The following ZMAT4 variants were observed in gnomAD, a reference collection of about 807,000 sequenced individuals.
ZMAT4 encodes zinc finger matrin-type 4, also known as zinc finger matrin-type protein 4.
ZMAT4 carries 17 observed loss-of-function variants against 28.7 expected under a neutral mutation model. The ratio of observed to expected loss-of-function variants is 0.59; its 90% CI spans 0.41 to 0.89. The LOEUF (loss-of-function observed/expected upper bound fraction) is 0.89. Ranked by LOEUF, ZMAT4 falls within the 40% of genes least tolerant of loss-of-function variation. The pLI is 0.00. For missense variants in ZMAT4, 240 were observed against 283.8 expected, an observed-to-expected ratio of 0.85 and a Z score of 1.11; for synonymous variants, 117 against 109.2, an observed-to-expected ratio of 1.07 and a Z score of -0.44.
At chr8:40,800,221 T>C (rs978888349) in intron 2 of ZMAT4, among the ~76,000 whole-genome samples, 18 of 152,194 alleles carry the variant, frequency 1.2e-4, no homozygotes, top group Non-Finnish European at 2.4e-4. Flanking sequence ...ATAGACCTAA[T>C]AACAAGGCGT....
intron 5 of ZMAT4, among the ~76,000 whole-genome samples, chr8:40,637,215 G>A (rs1309787834): frequency 1.3e-5 from 2 of 151,924 alleles, no homozygotes; most frequent in African/African-American, 4.8e-5. Context: ...GTGGTCCGAG[G>A]GAATGCCACA....
intron 5 of ZMAT4, among the ~76,000 whole-genome samples, chr8:40,587,306 C>T (rs2087331453): frequency 6.6e-6 from 1 of 152,006 alleles, no homozygotes; most frequent in Non-Finnish European, 1.5e-5. Flanking sequence ...GAAATGCAAC[C>T]AGACTCAGAC....
chr8:40,877,580 C>T (rs1471382263), intron 1 of ZMAT4, among the ~76,000 whole-genome samples: 1 of 152,116 alleles, frequency 6.6e-6, no homozygotes, highest in Non-Finnish European at 1.5e-5. Context: ...TTTTTAACTC[C>T]TTTTTTATTT....
At chr8:40,844,805 G>A (rs1816825176) in intron 1 of ZMAT4, among the ~76,000 whole-genome samples, 1 of 152,034 alleles carries the variant, frequency 6.6e-6, no homozygotes, top group Non-Finnish European at 1.5e-5. Context: ...ACCTGGGGTA[G>A]TAAAAGTGTC....
intron 1 of ZMAT4, among the ~76,000 whole-genome samples, chr8:40,883,397 C>T (rs915570452): frequency 3.3e-5 from 5 of 152,206 alleles, no homozygotes; most frequent in African/African-American, 1.2e-4. Context: ...TTTCCCTCTT[C>T]CCGGACTACC....
intron 5 of ZMAT4, among the ~76,000 whole-genome samples, chr8:40,667,949 C>A (rs1263718473): frequency 6.6e-6 from 1 of 151,868 alleles, no homozygotes; most frequent in Non-Finnish European, 1.5e-5. Flanking sequence ...TACTTTTGCC[C>A]TCATATTGAA....
chr8:40,734,482 G>T (rs572426665), intron 3 of ZMAT4, among the ~76,000 whole-genome samples: 1 of 152,348 alleles, frequency 6.6e-6, no homozygotes, highest in South Asian at 2.1e-4. Context: ...ATTTCCTTGT[G>T]AAGAGACTGC....
chr8:40,861,301 C>A (rs1379855820), intron 1 of ZMAT4, among the ~76,000 whole-genome samples: 7 of 152,154 alleles, frequency 4.6e-5, no homozygotes, highest in African/African-American at 1.7e-4. Flanking sequence ...CTTTGACAAA[C>A]CTGACAAAAA....
intron 3 of ZMAT4, among the ~76,000 whole-genome samples, chr8:40,720,757 C>G (rs1047645241): frequency 1.3e-5 from 2 of 151,888 alleles, no homozygotes; most frequent in African/African-American, 4.8e-5. Flanking sequence ...AACTCCTGAC[C>G]TCAAGTAATC....
chr8:40,629,337 GT>G (rs899168109), intron 5 of ZMAT4, among the ~76,000 whole-genome samples: 7 of 145,896 alleles, frequency 4.8e-5, no homozygotes, highest in African/African-American at 7.5e-5. Context: ...TTTCTTCTGA[GT>G]TTTTTTCCCC....
intron 5 of ZMAT4, among the ~76,000 whole-genome samples, chr8:40,610,694 T>C (rs1805762551): frequency 6.6e-6 from 1 of 152,084 alleles, no homozygotes; most frequent in Admixed American, 6.6e-5. Context: ...GAAATAGGCA[T>C]TTGATGTTTG....
In ZMAT4 at chr8:40,812,935, A is replaced by AAAATAAAATTAAATT. The variant is rs1254447514; in HGVS notation, c.102+12639_102+12640insAATTTAATTTTATTT. Among the ~76,000 whole-genome samples the AAAATAAAATTAAATT allele has an allele frequency of 6.4e-3, 502 of 78,040 alleles. 13 individuals are homozygous for AAAATAAAATTAAATT. The highest frequency in any genetic ancestry group is 0.02 in the African/African-American group (475 of 24,150). The allele number at this position is 78,040 out of a possible 152,430, so 51.2% of individuals were successfully genotyped here. ...GCGACAAGAGCAAAACTCCATCTCAAAAATTAAATTAAATTAAATTAAATT... is the reference window on the plus strand; with the variant it reads ...GCGACAAGAGCAAAACTCCATCTCAAAAATAAAATTAAATTAAATTAAATTAAATTAAATTAAATT... On this transcript the variant is annotated intron_variant, in intron 2 of 6. Coordinates refer to ENST00000297737, the MANE Select transcript of ZMAT4 (RefSeq NM_024645.3).
intron 1 of ZMAT4, among the ~76,000 whole-genome samples, chr8:40,867,632 T>C (rs1476777320): frequency 6.6e-6 from 1 of 152,222 alleles, no homozygotes; most frequent in Non-Finnish European, 1.5e-5. Flanking sequence ...TTGAGGCCAC[T>C]GGATTTGGCA....
intron 5 of ZMAT4, among the ~76,000 whole-genome samples, chr8:40,655,286 T>C (rs771770078): frequency 1.3e-5 from 2 of 152,052 alleles, no homozygotes; most frequent in Non-Finnish European, 2.9e-5. Flanking sequence ...CTGAAACCTA[T>C]AACATATTGT....
chr8:40,578,323 C>T (rs924078463), intron 6 of ZMAT4, among the ~76,000 whole-genome samples: 1 of 152,000 alleles, frequency 6.6e-6, no homozygotes, highest in African/African-American at 2.4e-5. Context: ...AATCATGAAA[C>T]TCAATCTCTC....
At chr8:40,651,077 G>A (rs1030970854) in intron 5 of ZMAT4, among the ~76,000 whole-genome samples, 1 of 151,746 alleles carries the variant, frequency 6.6e-6, no homozygotes, top group Non-Finnish European at 1.5e-5. Context: ...TTCTGGACAG[G>A]GCAATTAGGC....
At chr8:40,808,586 A>G in intron 2 of ZMAT4, 1 of 455,970 alleles carries the variant, frequency 2.2e-6, no homozygotes, top group South Asian at 1.5e-5. Flanking sequence ...AAAAAAAAAA[A>G]AAGTGCTGAG....
At position 40,676,344 on chromosome 8, in the gene ZMAT4, C is replaced by T. The variant is rs532440862; in HGVS notation, c.350-1413G>A. 3.9e-5 allele frequency among the ~76,000 whole-genome samples: 6 copies of T among 152,074 alleles called. No homozygotes were observed. The East Asian group carries it at 5.8e-4, about 15-fold the overall frequency. On this transcript the variant is annotated intron_variant, in intron 4 of 6. Transcript: ENST00000297737. ...TCATTAAATTTTGGAAAAAATATTC[C>T]GATCCAAATATTTTGGAGAAGAAAT...
chr8:40,553,606 G>T (rs1284181273), intron 6 of ZMAT4, among the ~76,000 whole-genome samples: 1 of 152,128 alleles, frequency 6.6e-6, no homozygotes, highest in African/African-American at 2.4e-5. Flanking sequence ...TTTCATGCCT[G>T]ATATCATTTC....
Sources: gnomAD v4.1 joint callset for allele counts (sites outside exome capture counted in the v4.1 genomes callset) on GRCh38, gnomAD v4.1.1 for gene constraint, MANE v1.5 for transcripts, NCBI Gene and HGNC (gene_info 2026-07-23, HGNC 2026-07-21) for gene names.